Variants in FAS observed in about 807,000 individuals in gnomAD.
FAS encodes the protein Fas cell surface death receptor.
Under a neutral mutation model 33.2 loss-of-function variants are expected in FAS, and 5 were observed. The observed-to-expected ratio is 0.15, with a 90% confidence interval of 0.08 to 0.32. The LOEUF (loss-of-function observed/expected upper bound fraction) is 0.32, where lower values mean the gene tolerates loss of function less well. Among genes scored for constraint, FAS ranks in the 10% least tolerant of loss-of-function variants. The pLI is 1.00. For missense variants in FAS, 339 were observed against 386.0 expected (o/e 0.88, Z 1.02); for synonymous variants, 131 against 130.7 (o/e 1.00, Z -0.01).
intron 6 of FAS, chr10:89,011,069 C>G: frequency 1.8e-6 from 1 of 541,158 alleles, no homozygotes; most frequent in Non-Finnish European, 3.3e-6. Context: ...TTCTCTGCAG[C>G]AGCAGAATTG....
intron 4 of FAS, among the ~76,000 whole-genome samples, chr10:89,010,108 T>C (rs1050498635): frequency 2.0e-5 from 3 of 152,332 alleles, no homozygotes; most frequent in South Asian, 2.1e-4. Context: ...CTGAGTACCC[T>C]CCCTGAGCTA....
upstream of FAS, among the ~76,000 whole-genome samples, chr10:88,983,878 T>C (rs1846791329): frequency 6.6e-6 from 1 of 152,230 alleles, no homozygotes; most frequent in African/African-American, 2.4e-5. Context: ...GCCTGCTTAG[T>C]GTCTTTCCTC....
At chr10:88,983,825 G>T (rs1292897875), upstream of FAS, among the ~76,000 whole-genome samples, 1 of 152,126 alleles carries the variant, frequency 6.6e-6, no homozygotes, top group Non-Finnish European at 1.5e-5. Flanking sequence ...CCCATTGAAT[G>T]ACTTGGAAAT....
At chr10:88,991,086 C>A in intron 1 of FAS, 180 bp downstream of exon 1, 1 of 737,262 alleles carries the variant, frequency 1.4e-6, no homozygotes, top group Non-Finnish European at 2.3e-6. Flanking sequence ...TAGGACCTTC[C>A]CTCAGGCCCG....
At chr10:88,974,540 C>T (rs1017312781) in intron 2 of FAS, 1 of 152,056 alleles carries the variant, frequency 6.6e-6, no homozygotes, top group African/African-American at 2.4e-5. Context: ...TTAATAGTAA[C>T]AAGGTCTCAC....
intron 2 of FAS, among the ~76,000 whole-genome samples, chr10:89,005,060 T>C (rs1341106311): frequency 6.6e-6 from 1 of 152,124 alleles, no homozygotes. Context: ...TAAAATGTTG[T>C]TGATGAATTT....
At chr10:88,981,527 T>G (rs1564662445) in intron 2 of FAS, among the ~76,000 whole-genome samples, 1 of 152,078 alleles carries the variant, frequency 6.6e-6, no homozygotes, top group Non-Finnish European at 1.5e-5. Flanking sequence ...GGAAGGCAAA[T>G]TGAAGAGGTA....
chr10:88,996,466 G>A (rs1191017639), intron 1 of FAS, among the ~76,000 whole-genome samples: 5 of 152,058 alleles, frequency 3.3e-5, no homozygotes, highest in Admixed American at 6.6e-5. Context: ...GATTTAGGGA[G>A]ATATTGGTCA....
chr10:88,985,103 A>G (rs2133360287), upstream of FAS, among the ~76,000 whole-genome samples: 1 of 152,330 alleles, frequency 6.6e-6, no homozygotes, highest in African/African-American at 2.4e-5. Flanking sequence ...AATAAAATAA[A>G]TAAAATAACA....
rs757939959 is a variant in FAS, at chr10:89,015,681, C to T, written c.*1231C>T. 2.0e-6 allele frequency: 1 copy of T among 493,580 alleles called. No individual in the cohort carries two copies. The highest frequency in any genetic ancestry group is 1.8e-5 in the South Asian group (1 of 54,596). The allele number at this position is 493,580 out of a possible 1,614,324, so 30.6% of individuals were successfully genotyped here. ...GATAGTTATAAACTGAAGCAGATAC[C>T]TGGAACCACCTAAAGAACTTCCATT... On this transcript the variant is annotated 3_prime_UTR_variant, in exon 9 of 9. Coordinates refer to ENST00000652046, the MANE Select transcript of FAS (RefSeq NM_000043.6).
chr10:89,012,202 G>T (rs1848567736), intron 7 of FAS, 121 bp downstream of exon 7: 5 of 876,614 alleles, frequency 5.7e-6, no homozygotes, highest in Non-Finnish European at 9.1e-6. Flanking sequence ...GTTTGAGATG[G>T]AGTCTTGCTC....
Position 89,016,644 on chromosome 10 carries a change from CG to C in FAS, c.*2195del, listed in dbSNP as rs1304091795. The C allele has an allele frequency of 4.0e-5, 9 of 222,324 alleles. No individual in the cohort carries two copies. The highest frequency in any genetic ancestry group is 1.9e-4 in the East Asian group (3 of 15,450). 13.8% of individuals were successfully genotyped at this position (222,324 alleles called of 1,614,324 possible). A position where few individuals can be genotyped will look rare whatever the true frequency, so the allele number is the denominator to read the frequency against. ...ATGTCAATGAGCACAGCCACATTCCCGAGTTGAGGTGACCCCACGGTCCAGA... is the reference window on the plus strand; with the variant it reads ...ATGTCAATGAGCACAGCCACATTCCCAGTTGAGGTGACCCCACGGTCCAGA... On this transcript the variant is annotated 3_prime_UTR_variant, in exon 9 of 9. Coordinates refer to ENST00000652046, the MANE Select transcript of FAS (RefSeq NM_000043.6).
upstream of FAS, among the ~76,000 whole-genome samples, chr10:88,988,347 A>G (rs1004953846): frequency 4.6e-5 from 7 of 152,016 alleles, no homozygotes; most frequent in African/African-American, 1.7e-4. Context: ...AATTTGGTTG[A>G]CAACATTTTT....
intron 2 of FAS, among the ~76,000 whole-genome samples, chr10:89,006,124 C>T (rs1031294532): frequency 1.3e-5 from 2 of 152,150 alleles, no homozygotes; most frequent in Admixed American, 6.5e-5. Context: ...TTTACTGTAT[C>T]TCCATTATAC....
chr10:88,972,587 GCTTTT>G (rs1846473235), intron 1 of FAS, among the ~76,000 whole-genome samples: 1 of 149,966 alleles, frequency 6.7e-6, no homozygotes, highest in Admixed American at 6.6e-5. Flanking sequence ...TTATCTATTA[GCTTTT>G]TAACTATATC....
chr10:88,971,949 G>A (rs1047253935), intron 1 of FAS, among the ~76,000 whole-genome samples: 5 of 149,750 alleles, frequency 3.3e-5, no homozygotes, highest in African/African-American at 4.9e-5. Context: ...TTGCTCTGTC[G>A]CCAGGCTGGA....
Position 89,016,607 on chromosome 10 carries a change from A to ATGAC in FAS, c.*2159_*2162dup, listed in dbSNP as rs1306481261. On this transcript the variant is annotated 3_prime_UTR_variant, in exon 9 of 9. Transcript: ENST00000652046. ...ATGGCTTCACCTAGTGGCCCCAAGC[A>ATGAC]TGACTTCTCCCATGTCAATGAGCAC... 1.8e-5 allele frequency: 4 copies of ATGAC among 224,166 alleles called. No homozygotes were observed. The highest frequency in any genetic ancestry group is 3.6e-5 in the Non-Finnish European group (4 of 112,334). The allele number at this position is 224,166 out of a possible 1,614,324, so 13.9% of individuals were successfully genotyped here.
At chr10:89,010,637 C>T (rs1218577238) in intron 5 of FAS, 37 bp downstream of exon 5, 2 of 1,607,888 alleles carry the variant, frequency 1.2e-6, no homozygotes, top group East Asian at 2.2e-5. Flanking sequence ...TCCTTTCCCC[C>T]AACCCCATGG....
At chr10:88,979,024 G>A (rs1174872386) in intron 2 of FAS, among the ~76,000 whole-genome samples, 1 of 151,892 alleles carries the variant, frequency 6.6e-6, no homozygotes, top group Admixed American at 6.6e-5. Flanking sequence ...AGTTTATTCT[G>A]TTAATATTTG....
Sources: allele counts gnomAD v4.1 joint callset (sites outside exome capture counted in the v4.1 genomes callset), GRCh38; gene constraint gnomAD v4.1.1; transcripts MANE v1.5; gene names NCBI Gene and HGNC (gene_info 2026-07-23, HGNC 2026-07-21).